ZNF831: variants seen among roughly 807,000 people sequenced by gnomAD.
ZNF831 encodes the protein zinc finger protein 831, also known as chromosome 20 open reading frame 174.
Under a neutral mutation model 95.8 loss-of-function variants are expected in ZNF831, and 59 were observed. The ratio of observed to expected loss-of-function variants is 0.62; its 90% CI spans 0.50 to 0.77. The LOEUF is 0.77. Among genes scored for constraint, ZNF831 ranks in the 30% least tolerant of loss-of-function variants. ZNF831 has a pLI of 0.00. For missense variants in ZNF831, 2,205 were observed against 2,164.0 expected (o/e 1.02, Z -0.38); for synonymous variants, 961 against 925.5 (o/e 1.04, Z -0.70).
intron 4 of ZNF831, among the ~76,000 whole-genome samples, chr20:59,232,996 A>AGG (rs1482918261): frequency 1.0e-4 from 4 of 39,200 alleles, no homozygotes; most frequent in Non-Finnish European, 1.5e-4. Context: ...ACCCTGAGGC[A>AGG]CACACACACA....
chr20:59,186,345 G>A (rs1355454185), intron 1 of ZNF831, among the ~76,000 whole-genome samples: 1 of 152,188 alleles, frequency 6.6e-6, no homozygotes. Flanking sequence ...GCTGACGGAT[G>A]GGGGAAGAGA....
In ZNF831 at chr20:59,157,769, G is replaced by T. The variant is rs563673682; in HGVS notation, c.-1280-1883G>T. Among the ~76,000 whole-genome samples, 4 of 152,236 alleles carry T rather than the reference G, an allele frequency of 2.6e-5. No individual in the cohort carries two copies. The South Asian group carries it at 8.3e-4, about 32-fold the overall frequency. ...TTTGTAAATACATCCAACAGACACT[G>T]ATTAGCCAGCCCCCCAAGTGATGGG... On this transcript the variant is annotated intron_variant, in intron 2 of 7. Transcript: ENST00000637017.
At chr20:59,215,037 G>GT (rs970276428) in intron 4 of ZNF831, among the ~76,000 whole-genome samples, 5 of 152,252 alleles carry the variant, frequency 3.3e-5, no homozygotes, top group African/African-American at 1.2e-4. Flanking sequence ...TATCAGCTTT[G>GT]TAAAAAATTA....
intron 4 of ZNF831, among the ~76,000 whole-genome samples, chr20:59,231,002 C>T (rs1986691040): frequency 6.6e-6 from 1 of 152,150 alleles, no homozygotes; most frequent in South Asian, 2.1e-4. Context: ...CATAGGTTTT[C>T]CCCTTATTTT....
intron 1 of ZNF831, among the ~76,000 whole-genome samples, chr20:59,171,040 A>G (rs889045640): frequency 6.6e-6 from 1 of 152,220 alleles, no homozygotes; most frequent in Non-Finnish European, 1.5e-5. Context: ...CCCCCCAGCC[A>G]CAGGCAGGCT....
At chr20:59,145,783 A>G (rs707561) in intron 1 of ZNF831, among the ~76,000 whole-genome samples, 12,830 of 152,112 alleles carry the variant, frequency 0.084, 1,197 homozygotes, top group African/African-American at 0.23. Context: ...GGTCTGGAAG[A>G]CCTGATTTCC....
At chr20:59,210,198 G>C (rs1479601370) in intron 4 of ZNF831, among the ~76,000 whole-genome samples, 1 of 152,220 alleles carries the variant, frequency 6.6e-6, no homozygotes, top group Admixed American at 6.5e-5. Flanking sequence ...TTGCAGGAAA[G>C]TTCTATTATA....
Position 59,173,587 on chromosome 20 carries a change from A to C in ZNF831, c.-37+9380A>C, listed in dbSNP as rs1186442035. 3.9e-5 allele frequency among the ~76,000 whole-genome samples: 6 copies of C among 152,240 alleles called. No individual in the cohort carries two copies. In the East Asian group the frequency reaches 1.2e-3, roughly 29 times the overall value. On this transcript the variant is annotated intron_variant, in intron 1 of 5. Transcript: ENST00000371030. ...ATGTTCTAAATTGGCACTTTGCCGCAATTGACCACAGGTGATGGCTTTATT... is the reference window on the plus strand; with the variant it reads ...ATGTTCTAAATTGGCACTTTGCCGCCATTGACCACAGGTGATGGCTTTATT...
In ZNF831 at chr20:59,193,551, A is replaced by G. The variant is rs1290692352; in HGVS notation, c.2532A>G (p.Pro844=). 1 of 1,605,544 alleles carries G rather than the reference A, an allele frequency of 6.2e-7. No individual in the cohort carries two copies. The highest frequency in any genetic ancestry group is 8.5e-7 in the Non-Finnish European group (1 of 1,176,090). The change falls in exon 2 of 6, where the codon CCA becomes CCG. Residue 844 remains proline (P), a synonymous_variant. Transcript: ENST00000371030. The part of the protein sequence containing the change: ...KQPEPVSAET[P]GGPTQPASLS... ...CAGAGCCTGTGAGCGCAGAGACCCC[A>G]GGTGGGCCCACGCAGCCTGCCTCTT...
chr20:59,181,228 C>T (rs1291137693), intron 1 of ZNF831, among the ~76,000 whole-genome samples: 1 of 151,638 alleles, frequency 6.6e-6, no homozygotes, highest in Non-Finnish European at 1.5e-5. Flanking sequence ...GGGTTGTTTT[C>T]CTCTTGTAAA....
chr20:59,210,158 A>T (rs1265276126), intron 4 of ZNF831, among the ~76,000 whole-genome samples: 3 of 152,248 alleles, frequency 2.0e-5, no homozygotes, highest in African/African-American at 7.2e-5. Context: ...AATGCACATC[A>T]TCTGGGCTCT....
chr20:59,143,873 G>A (rs1979757634), intron 1 of ZNF831, among the ~76,000 whole-genome samples: 1 of 152,352 alleles, frequency 6.6e-6, no homozygotes, highest in Admixed American at 6.5e-5. Context: ...ATGACCGTTA[G>A]CCTCCTTCAG....
intron 4 of ZNF831, among the ~76,000 whole-genome samples, chr20:59,207,826 T>C (rs1319737581): frequency 3.9e-5 from 6 of 152,224 alleles, no homozygotes. Flanking sequence ...CTGTGGTTCA[T>C]TGTTGTCTGT....
At chr20:59,207,334 G>T (rs1006621997) in intron 4 of ZNF831, among the ~76,000 whole-genome samples, 2 of 152,196 alleles carry the variant, frequency 1.3e-5, no homozygotes, top group African/African-American at 4.8e-5. Context: ...CCAGGTGCAG[G>T]TTCCCTCCAG....
Position 59,208,487 on chromosome 20 carries a change from G to T in ZNF831, c.4027+1431G>T, listed in dbSNP as rs115313291. 6.6e-6 allele frequency among the ~76,000 whole-genome samples: 1 copy of T among 152,138 alleles called. No homozygotes were observed. The highest frequency in any genetic ancestry group is 1.5e-5 in the Non-Finnish European group (1 of 68,026). On this transcript the variant is annotated intron_variant, in intron 4 of 5. Transcript: ENST00000371030. The surrounding 1 kb of genome is among the most constrained non-coding windows in gnomAD (Gnocchi z 4.2). The stretch of plus-strand genomic sequence containing the variant: ...TCCAGGTGCCCTGTGGATGCCCCTC[G>T]TCTCTCCTTAAGAGTTTTCCAATGT...
In ZNF831 at chr20:59,194,681, C is replaced by T. The variant is rs753416588; in HGVS notation, c.3662C>T (p.Pro1221Leu). 6 of 1,612,058 alleles carry T rather than the reference C, an allele frequency of 3.7e-6. No homozygotes were observed. The Admixed American group carries it at 5.0e-5, about 13-fold the overall frequency. ...GGTAGCAGCCTCCGAGATGAGGGTC[C>T]CAATGGCCCTCCTGGGAGCAATGGA... ...FPGSSLRDEG[P>L]NGPPGSNGGW... The change falls in exon 2 of 6, where the codon CCC becomes CTC. Residue 1221 changes from proline to leucine, a missense_variant. By Grantham distance (98) the Pro-to-Leu change is moderately conservative. Transcript: ENST00000371030.
intron 4 of ZNF831, among the ~76,000 whole-genome samples, chr20:59,250,993 C>T (rs1987859437): frequency 6.6e-6 from 1 of 151,996 alleles, no homozygotes; most frequent in South Asian, 2.1e-4. Flanking sequence ...TTATATTGTA[C>T]AACATGGTAA....
At chr20:59,150,667 C>T (rs944543208) in intron 2 of ZNF831, among the ~76,000 whole-genome samples, 1 of 152,178 alleles carries the variant, frequency 6.6e-6, no homozygotes, top group African/African-American at 2.4e-5. Flanking sequence ...GAATAACAAA[C>T]AGCCCACTAT....
At chr20:59,126,757 C>G (rs1979184088) in intron 1 of ZNF831, among the ~76,000 whole-genome samples, 1 of 152,240 alleles carries the variant, frequency 6.6e-6, no homozygotes, top group Non-Finnish European at 1.5e-5. Context: ...GGTCACTCTC[C>G]TTTTCTGGAA....
Sources: gnomAD v4.1 joint callset for allele counts (sites outside exome capture counted in the v4.1 genomes callset) on GRCh38, gnomAD v4.1.1 for gene constraint, Gnocchi (gnomAD v3.1) non-coding constraint, MANE v1.5 for transcripts, NCBI Gene and HGNC (gene_info 2026-07-23, HGNC 2026-07-21) for gene names.